The following DHX8 variants were observed in gnomAD, a reference collection of about 807,000 sequenced individuals.
DHX8 encodes the protein DEAH-box helicase 8, also known as ATP-dependent RNA helicase DHX8.
A neutral mutation model predicts 140.7 loss-of-function variants in DHX8; 67 were observed. The observed-to-expected ratio is 0.48, with a 90% confidence interval of 0.39 to 0.58. The LOEUF (loss-of-function observed/expected upper bound fraction) is 0.58. Ranked by LOEUF, DHX8 falls within the 20% of genes least tolerant of loss-of-function variation. The pLI, the probability that DHX8 is intolerant of heterozygous loss-of-function variation, is 0.00. For synonymous variants in DHX8, 533 were observed against 553.2 expected, an observed-to-expected ratio of 0.96 and a Z score of 0.51; for missense variants, 887 against 1,550.7, an observed-to-expected ratio of 0.57 and a Z score of 7.19.
downstream of DHX8, chr17:43,528,506 C>G (rs772878183): frequency 3.2e-6 from 5 of 1,576,698 alleles, no homozygotes; most frequent in Non-Finnish European, 4.3e-6. Flanking sequence ...GCAGGGGGAA[C>G]AGCCGCTGGG....
intron 18 of DHX8, chr17:43,517,537 A>G (rs1409100301): frequency 1.8e-6 from 1 of 547,080 alleles, no homozygotes; most frequent in Admixed American, 3.5e-5. Flanking sequence ...TTTTCTTACC[A>G]TAACAACCAG....
intron 16 of DHX8, among the ~76,000 whole-genome samples, chr17:43,510,030 G>A (rs1459152582): frequency 6.9e-6 from 1 of 145,508 alleles, no homozygotes; most frequent in Non-Finnish European, 1.5e-5. Flanking sequence ...GGAATTTACT[G>A]TTTTTTGTTT....
At chr17:43,527,120 C>T (rs909713886), downstream of DHX8, among the ~76,000 whole-genome samples, 1 of 152,178 alleles carries the variant, frequency 6.6e-6, no homozygotes, top group East Asian at 1.9e-4. Context: ...AGTCATACGT[C>T]CTCCATAGGT....
intron 1 of DHX8, 107 bp from the exon 2 acceptor site, chr17:43,489,342 T>C (rs1968360706): frequency 2.6e-6 from 2 of 755,240 alleles, no homozygotes; most frequent in South Asian, 3.5e-5. Flanking sequence ...TGGTGGTCTT[T>C]GTTTTTTATT....
intron 18 of DHX8, 141 bp from the exon 19 acceptor site, chr17:43,519,989 C>T (rs2090939233): frequency 9.5e-6 from 8 of 842,686 alleles, no homozygotes; most frequent in Non-Finnish European, 1.5e-5. Flanking sequence ...TGGCCCAGCC[C>T]TGGAAGTTAC....
intron 8 of DHX8, among the ~76,000 whole-genome samples, chr17:43,495,699 G>A (rs144364526): frequency 6.6e-6 from 1 of 152,270 alleles, no homozygotes; most frequent in East Asian, 1.9e-4. Context: ...AACCACCTCT[G>A]CAACCCTGGA....
At chr17:43,530,017 G>T, downstream of DHX8, 1 of 1,608,418 alleles carries the variant, frequency 6.2e-7, no homozygotes, top group Non-Finnish European at 8.5e-7. Flanking sequence ...AGAGAGTCCA[G>T]AGGGACTCCT....
chr17:43,524,831 C>T lies in DHX8; in HGVS notation c.*984C>T, dbSNP rs1567701366. The T allele has an allele frequency of 1.0e-6, 1 of 985,284 alleles. No individual in the cohort carries two copies. Among genetic ancestry groups the T allele is most frequent in the African/African-American group, 1.7e-5 (1 of 57,214 alleles). 61.0% of individuals were successfully genotyped at this position (985,284 alleles called of 1,614,324 possible). A position where few individuals can be genotyped will look rare whatever the true frequency, so the allele number is the denominator to read the frequency against. On this transcript the variant is annotated 3_prime_UTR_variant, in exon 23 of 23. Coordinates refer to ENST00000262415, the MANE Select transcript of DHX8 (RefSeq NM_004941.3). ...TCCAAACAGAAAACAAACATAACACCTCTCCTCTCAGCTGGTTTGTGCTGC... is the reference window on the plus strand; with the variant it reads ...TCCAAACAGAAAACAAACATAACACTTCTCCTCTCAGCTGGTTTGTGCTGC...
In DHX8 at chr17:43,521,677, C is replaced by T. The variant is rs1038595910; in HGVS notation, c.3263+112C>T. The T allele has an allele frequency of 1.9e-5, 19 of 1,026,468 alleles. No homozygotes were observed. The African/African-American group carries it at 3.0e-4, about 16-fold the overall frequency. 63.6% of individuals were successfully genotyped at this position (1,026,468 alleles called of 1,614,324 possible). A position where few individuals can be genotyped will look rare whatever the true frequency, so the allele number is the denominator to read the frequency against. ...TATAGGCACCTTTTCTCTTGCTCCT[C>T]ACATAACCCTTTTCCTCCAGCTTTT... On this transcript the variant is annotated intron_variant, in intron 21 of 22. Coordinates refer to ENST00000262415, the MANE Select transcript of DHX8 (RefSeq NM_004941.3).
chr17:43,522,179 G>A lies in DHX8; in HGVS notation c.3396G>A (p.Val1132=). Residue 1132 remains valine (V), a synonymous_variant, in exon 22 of 23, where the codon GTG becomes GTA. Coordinates refer to ENST00000262415, the MANE Select transcript of DHX8 (RefSeq NM_004941.3). ...EGYRTLIDQQ[V]VYIHPSSALF... is the part of the protein sequence containing the mutation. ...ACCGGACACTGATCGACCAGCAGGTGGTCTATATCCATCCTTCCAGTGCCC... is the reference window on the plus strand; with the variant it reads ...ACCGGACACTGATCGACCAGCAGGTAGTCTATATCCATCCTTCCAGTGCCC... The A allele has an allele frequency of 1.2e-6, 2 of 1,613,974 alleles. No homozygotes were observed. The highest frequency in any genetic ancestry group is 1.7e-6 in the Non-Finnish European group (2 of 1,179,972).
chr17:43,498,442 CG>C (rs1968996179), intron 9 of DHX8, among the ~76,000 whole-genome samples: 1 of 150,114 alleles, frequency 6.7e-6, no homozygotes. Flanking sequence ...CCACTGCACC[CG>C]GCCTTTTTTT....
downstream of DHX8, chr17:43,529,120 A>G: frequency 6.2e-7 from 1 of 1,612,796 alleles, no homozygotes; most frequent in Non-Finnish European, 8.5e-7. Flanking sequence ...TTGTCCCTAG[A>G]CCCACAGCCC....
intron 1 of DHX8, among the ~76,000 whole-genome samples, chr17:43,486,629 C>T (rs12150353): frequency 0.24 from 36,910 of 151,808 alleles, 5,478 homozygotes; most frequent in East Asian, 0.4. Flanking sequence ...ACATGTAATC[C>T]CAGCACTTTG....
rs1426702412 is a variant in DHX8 at position 43,488,571 on chromosome 17, G to A, written c.149-878G>A. On this transcript the variant is annotated intron_variant, in intron 1 of 22. Coordinates refer to ENST00000262415, the MANE Select transcript of DHX8 (RefSeq NM_004941.3). The stretch of plus-strand genomic sequence containing the variant: ...GGTTGCAGTGAGCCGATATCGCACC[G>A]CTGCACTCCAGCCTGGGCGACAGAG... Among the ~76,000 whole-genome samples the A allele has an allele frequency of 3.4e-5, 5 of 145,620 alleles. No homozygotes were observed. In the East Asian group the frequency reaches 1.0e-3, roughly 30 times the overall value.
chr17:43,530,487 G>C (rs886703075), downstream of DHX8: 6 of 1,272,606 alleles, frequency 4.7e-6, no homozygotes, highest in Admixed American at 3.6e-5. Flanking sequence ...GCGAGTTCAG[G>C]GGGAGGAGGG....
intron 19 of DHX8, 102 bp from the exon 20 acceptor site, chr17:43,520,649 G>A: frequency 7.0e-7 from 1 of 1,422,750 alleles, no homozygotes; most frequent in Non-Finnish European, 9.7e-7. Flanking sequence ...TTATGCTTTG[G>A]GAAAATCTGT....
intron 3 of DHX8, among the ~76,000 whole-genome samples, chr17:43,540,876 G>A (rs117267818): frequency 0.014 from 2,079 of 152,196 alleles, 24 homozygotes; most frequent in Middle Eastern, 0.024. Flanking sequence ...GGAAAGGGTG[G>A]TGCAGAACTC....
Position 43,508,635 on chromosome 17 carries a change from T to C in DHX8, c.2502+115T>C, listed in dbSNP as rs988544858. The C allele has an allele frequency of 7.3e-5, 46 of 626,850 alleles. No homozygotes were observed. In the East Asian group the frequency reaches 1.2e-3, roughly 16 times the overall value. The allele number at this position is 626,850 out of a possible 1,614,324, so 38.8% of individuals were successfully genotyped here. ...ATGCAAGTCTTTTTTTTTTTTTTTT[T>C]CCTCGAGGCAGAGTCTCGCTCTCAC... On this transcript the variant is annotated intron_variant, in intron 16 of 22. Coordinates refer to ENST00000262415, the MANE Select transcript of DHX8 (RefSeq NM_004941.3).
chr17:43,490,301 C>T, intron 2 of DHX8, 90 bp from the exon 3 acceptor site: 2 of 962,708 alleles, frequency 2.1e-6, no homozygotes. Flanking sequence ...TGCGTAACCA[C>T]CCTTCCCTAC....
Sources: gnomAD v4.1 joint callset for allele counts (sites outside exome capture counted in the v4.1 genomes callset) on GRCh38, gnomAD v4.1.1 for gene constraint, MANE v1.5 for transcripts, NCBI Gene and HGNC (gene_info 2026-07-23, HGNC 2026-07-21) for gene names.